ZNF69: variants seen among roughly 807,000 people sequenced by gnomAD.
ZNF69 encodes zinc finger protein 69, also known as ZNF3.
A neutral mutation model predicts 50.9 loss-of-function variants in ZNF69; 47 were observed. That is an observed-to-expected ratio of 0.92 (90% CI 0.73 to 1.18). The LOEUF is 1.18. Among genes scored for constraint, ZNF69 ranks in the 50% most tolerant of loss-of-function variants. The pLI, the probability that ZNF69 is intolerant of heterozygous loss-of-function variation, is 0.00. For synonymous variants in ZNF69, 216 were observed against 223.1 expected, an observed-to-expected ratio of 0.97 and a Z score of 0.29; for missense variants, 717 against 675.1, an observed-to-expected ratio of 1.06 and a Z score of -0.69.
At chr19:11,948,943 C>G in the ZNF69 span, 1 of 1,608,178 alleles carries the variant, frequency 6.2e-7, no homozygotes, top group Non-Finnish European at 8.5e-7. Flanking sequence ...GAAGCCTTAT[C>G]AATGCAAAGA....
chr19:11,965,191 A>C, the ZNF69 span: 2 of 1,614,046 alleles, frequency 1.2e-6, no homozygotes, highest in Non-Finnish European at 1.7e-6. Flanking sequence ...GGACCCCAGG[A>C]CATCTGAAAG....
In ZNF69 at chr19:11,904,778, C is replaced by A. The variant is rs369246773; in HGVS notation, c.381C>A (p.Asp127Glu). Residue 127 changes from aspartate to glutamate, a missense_variant, in exon 4 of 4, where the codon GAC becomes GAA. Coordinates refer to ENST00000429654, the MANE Select transcript of ZNF69 (RefSeq NM_001364730.1). ...KKASPEIKSCDSFVCGEVGLG... is the reference protein window; with the variant it reads ...KKASPEIKSCESFVCGEVGLG... ...CTTCTCCTGAAATAAAATCATGTGACAGCTTTGTGTGTGGAGAAGTTGGCC... is the reference window on the plus strand; with the variant it reads ...CTTCTCCTGAAATAAAATCATGTGAAAGCTTTGTGTGTGGAGAAGTTGGCC... The A allele has an allele frequency of 5.0e-5, 81 of 1,613,942 alleles. No homozygotes were observed. In the East Asian group the frequency reaches 7.1e-4, roughly 14 times the overall value.
At position 11,889,982 on chromosome 19, in the gene ZNF69, T is replaced by C. The variant is rs905076557; in HGVS notation, c.63+1996T>C. Among the ~76,000 whole-genome samples the C allele has an allele frequency of 5.9e-5, 9 of 152,194 alleles. No homozygotes were observed. The East Asian group carries it at 1.7e-3, about 29-fold the overall frequency. On this transcript the variant is annotated intron_variant, in intron 1 of 3. Transcript: ENST00000429654. ...GTTTCACTTTATGCAAATATCTCAG[T>C]GTAGCAAAGAGTAACAGAGCAGTAT... is the stretch of plus-strand genomic sequence containing the variant.
At chr19:11,964,994 C>G in the ZNF69 span, 5 of 539,274 alleles carry the variant, frequency 9.3e-6, no homozygotes, top group East Asian at 3.5e-5. Flanking sequence ...GGTGCCGGGG[C>G]AGGGCCCTGC....
At chr19:11,920,654 GA>G in the ZNF69 span, among the ~76,000 whole-genome samples, 150,503 of 151,972 alleles carry the variant, frequency 0.99, 74,519 homozygotes, top group Non-Finnish European at 1. Flanking sequence ...TTGGGAGGCT[GA>G]GGGGGGTGCA....
At chr19:11,949,899 TGG>T in the ZNF69 span, 1 of 1,613,986 alleles carries the variant, frequency 6.2e-7, no homozygotes. Flanking sequence ...GTAAGCAATG[TGG>T]GAAAGCCTTC....
At chr19:11,948,955 T>A in the ZNF69 span, 1 of 1,608,484 alleles carries the variant, frequency 6.2e-7, no homozygotes, top group Non-Finnish European at 8.5e-7. Context: ...ATGCAAAGAA[T>A]GTGGAAAAGC....
rs1972357547 is a variant in ZNF69, at chr19:11,905,709, C to G, written c.1312C>G (p.His438Asp). 1.2e-6 allele frequency: 2 copies of G among 1,613,862 alleles called. No homozygotes were observed. Among genetic ancestry groups the G allele is most frequent in the East Asian group, 2.2e-5 (1 of 44,850 alleles). ...SSHLQLHGRT[H>D]TGEKPYECQE... ...ACACCTTCAATTGCATGGTAGGACT[C>G]ACACTGGAGAGAAGCCCTATGAATG... Residue 438 changes from histidine (H) to aspartate (D), a missense_variant, in exon 4 of 4, where the codon CAC (histidine) becomes GAC (aspartate). Physicochemically the swap from His to Asp is moderately conservative, Grantham distance 81. Transcript: ENST00000429654.
chr19:11,966,651 G>C, the ZNF69 span, among the ~76,000 whole-genome samples: 5 of 152,192 alleles, frequency 3.3e-5, no homozygotes, highest in African/African-American at 1.2e-4. Flanking sequence ...GGGGATTACA[G>C]ATGTGAGCCA....
the ZNF69 span, chr19:11,953,361 C>G: frequency 2.0e-5 from 3 of 152,184 alleles, no homozygotes; most frequent in African/African-American, 7.2e-5. Context: ...ACAAAGAGCC[C>G]AAGGAGCAAC....
At chr19:11,938,081 C>T in the ZNF69 span, among the ~76,000 whole-genome samples, 2 of 151,014 alleles carry the variant, frequency 1.3e-5, no homozygotes, top group East Asian at 3.9e-4. Context: ...GTTTTTTGTT[C>T]GTTTGGAGAC....
At chr19:11,914,806 T>C (rs1972507430), downstream of ZNF69, among the ~76,000 whole-genome samples, 1 of 152,132 alleles carries the variant, frequency 6.6e-6, no homozygotes, top group Non-Finnish European at 1.5e-5. Flanking sequence ...CCTGTCTGTG[T>C]GTGGAGGTGA....
the ZNF69 span, among the ~76,000 whole-genome samples, chr19:11,946,361 A>T: frequency 6.6e-6 from 1 of 151,798 alleles, no homozygotes; most frequent in African/African-American, 2.4e-5. Context: ...CTAGGTAAGG[A>T]CGGGGGGCAT....
intron 1 of ZNF69, among the ~76,000 whole-genome samples, chr19:11,897,117 G>T (rs974256875): frequency 1.3e-5 from 2 of 152,206 alleles, no homozygotes; most frequent in Non-Finnish European, 2.9e-5. Flanking sequence ...GGAGGCTGAG[G>T]TGGGTGGATC....
chr19:11,923,923 C>A, the ZNF69 span, among the ~76,000 whole-genome samples: 1 of 152,042 alleles, frequency 6.6e-6, no homozygotes, highest in African/African-American at 2.4e-5. Flanking sequence ...GGCAGCCCAC[C>A]CCCTTCTACA....
the ZNF69 span, among the ~76,000 whole-genome samples, chr19:11,942,678 G>C: frequency 6.6e-6 from 1 of 152,138 alleles, no homozygotes; most frequent in African/African-American, 2.4e-5. Context: ...TGCATGCATC[G>C]GTAACAGGAC....
chr19:11,979,442 T>C, the ZNF69 span: 2 of 1,605,504 alleles, frequency 1.2e-6, no homozygotes, highest in Non-Finnish European at 1.7e-6. Context: ...AAGAATACAC[T>C]CTGGAGAAAG....
chr19:11,969,402 G>A, the ZNF69 span, among the ~76,000 whole-genome samples: 10 of 152,322 alleles, frequency 6.6e-5, no homozygotes, highest in African/African-American at 2.2e-4. Context: ...ACTGCACCGG[G>A]CCTGACTTAC....
At chr19:11,907,225 A>T (rs1342078611), downstream of ZNF69, among the ~76,000 whole-genome samples, 1 of 152,186 alleles carries the variant, frequency 6.6e-6, no homozygotes, top group Non-Finnish European at 1.5e-5. Flanking sequence ...AGTGACAGGG[A>T]TGGAACCAAG....
Sources: allele counts gnomAD v4.1 joint callset (sites outside exome capture counted in the v4.1 genomes callset), GRCh38; gene constraint gnomAD v4.1.1; transcripts MANE v1.5; gene names NCBI Gene and HGNC (gene_info 2026-07-23, HGNC 2026-07-21).